The following LIN7A variants were observed in gnomAD, a reference collection of about 807,000 sequenced individuals.
LIN7A encodes protein lin-7 homolog A.
In LIN7A, 25 loss-of-function variants were observed where a neutral mutation model predicts 29.8. That is an observed-to-expected ratio of 0.84 (90% CI 0.61 to 1.17). The LOEUF (loss-of-function observed/expected upper bound fraction) is 1.17, where lower values mean the gene tolerates loss of function less well. Ranked by LOEUF, LIN7A falls within the 50% of genes most tolerant of loss-of-function variation. The pLI is 0.00. For synonymous variants in LIN7A, 118 were observed against 107.5 expected (o/e 1.10, Z -0.60); for missense variants, 239 against 287.0 (o/e 0.83, Z 1.21).
intron 1 of LIN7A, among the ~76,000 whole-genome samples, chr12:80,934,828 G>T (rs548976091): frequency 6.6e-6 from 1 of 152,150 alleles, no homozygotes; most frequent in African/African-American, 2.4e-5. Flanking sequence ...GATTTGCTGG[G>T]ATGCCCTTGG....
intron 4 of LIN7A, among the ~76,000 whole-genome samples, chr12:80,828,280 A>C (rs1275173444): frequency 2.0e-5 from 3 of 152,226 alleles, no homozygotes; most frequent in Non-Finnish European, 4.4e-5. Context: ...TCATTCAAGC[A>C]GTACTCAAAA....
At chr12:80,881,573 A>G (rs1335078845) in intron 2 of LIN7A, among the ~76,000 whole-genome samples, 1 of 152,122 alleles carries the variant, frequency 6.6e-6, no homozygotes, top group Non-Finnish European at 1.5e-5. Flanking sequence ...TTAAAAAAAT[A>G]TTTTACCATG....
At chr12:80,912,728 A>C (rs1329391673) in intron 1 of LIN7A, among the ~76,000 whole-genome samples, 8 of 143,752 alleles carry the variant, frequency 5.6e-5, no homozygotes, top group African/African-American at 2.1e-4. Context: ...AAAAAAAAAA[A>C]AGAAAAGAAA....
At chr12:80,808,507 CTTT>C (rs200750392) in intron 5 of LIN7A, among the ~76,000 whole-genome samples, 8 of 137,400 alleles carry the variant, frequency 5.8e-5, no homozygotes, top group African/African-American at 8.0e-5. Flanking sequence ...TTTCTTTTTT[CTTT>C]TTTTTTTTTT....
chr12:80,829,155 G>T (rs1007070772), intron 4 of LIN7A, among the ~76,000 whole-genome samples: 1 of 152,082 alleles, frequency 6.6e-6, no homozygotes, highest in Non-Finnish European at 1.5e-5. Context: ...AGTAGTTTGG[G>T]CAAAATAAGT....
intron 2 of LIN7A, among the ~76,000 whole-genome samples, chr12:80,859,990 A>G (rs2120395644): frequency 6.6e-6 from 1 of 152,326 alleles, no homozygotes; most frequent in South Asian, 2.1e-4. Flanking sequence ...TTCTACTTAA[A>G]GCTTCATATT....
chr12:80,815,373 G>A (rs748835647), intron 4 of LIN7A, among the ~76,000 whole-genome samples: 1 of 152,214 alleles, frequency 6.6e-6, no homozygotes, highest in Non-Finnish European at 1.5e-5. Context: ...GGGTATAAAT[G>A]TTGATGTGCA....
intron 1 of LIN7A, among the ~76,000 whole-genome samples, chr12:80,889,947 G>A (rs140699468): frequency 1.3e-5 from 2 of 151,962 alleles, no homozygotes; most frequent in Non-Finnish European, 2.9e-5. Flanking sequence ...TCAGGCCCTC[G>A]TCATCTCCCC....
chr12:80,852,071 A>T (rs1873361901), intron 2 of LIN7A, among the ~76,000 whole-genome samples: 1 of 152,174 alleles, frequency 6.6e-6, no homozygotes, highest in African/African-American at 2.4e-5. Context: ...TTATGAAAAT[A>T]AAAAATAATG....
intron 1 of LIN7A, among the ~76,000 whole-genome samples, chr12:80,926,500 A>G (rs993557632): frequency 5.9e-5 from 9 of 152,204 alleles, no homozygotes; most frequent in African/African-American, 9.7e-5. Flanking sequence ...ATTCACTAAT[A>G]TTATCTAACA....
At chr12:80,858,135 C>T (rs1040394595) in intron 2 of LIN7A, among the ~76,000 whole-genome samples, 5 of 152,096 alleles carry the variant, frequency 3.3e-5, no homozygotes, top group African/African-American at 4.8e-5. Flanking sequence ...ATTTATATCA[C>T]TTGTTTTAGG....
chr12:80,921,881 T>C (rs1877327568), intron 1 of LIN7A, among the ~76,000 whole-genome samples: 1 of 152,232 alleles, frequency 6.6e-6, no homozygotes, highest in Non-Finnish European at 1.5e-5. Context: ...GAGGCATGTA[T>C]CTGTCAAACT....
Position 80,806,199 on chromosome 12 carries a change from G to A in LIN7A, c.*5266C>T, listed in dbSNP as rs555134092. Among the ~76,000 whole-genome samples the A allele has an allele frequency of 1.3e-4, 19 of 151,946 alleles. 2 individuals carry two copies. In the South Asian group the frequency reaches 1.7e-3, roughly 13 times the overall value. ...TCCCGGTTTTGGGTACATTTTTATCGGCAGCGTGAAAATGAACTAATACAA... is the reference window on the plus strand; with the variant it reads ...TCCCGGTTTTGGGTACATTTTTATCAGCAGCGTGAAAATGAACTAATACAA... On this transcript the variant is annotated intron_variant, in intron 5 of 5. Coordinates refer to ENST00000552864, the MANE Select transcript of LIN7A (RefSeq NM_004664.4).
intron 1 of LIN7A, among the ~76,000 whole-genome samples, chr12:80,895,030 T>C (rs1256095736): frequency 6.6e-6 from 1 of 152,122 alleles, no homozygotes; most frequent in East Asian, 1.9e-4. Flanking sequence ...AGAAAAGGGA[T>C]TCAAAATAAA....
At position 80,848,316 on chromosome 12, in the gene LIN7A, G is replaced by A. The variant is rs545148132; in HGVS notation, c.208C>T (p.Gln70Ter). The A allele has an allele frequency of 6.2e-7, 1 of 1,606,144 alleles. No individual in the cohort carries two copies. The highest frequency in any genetic ancestry group is 1.1e-5 in the South Asian group (1 of 90,930). Residue 70 changes from glutamine (Q) to a stop codon, truncating the protein, a stop_gained, in exon 3 of 6, where the codon CAA (glutamine) becomes TAA (stop). Coordinates refer to ENST00000552864, the MANE Select transcript of LIN7A (RefSeq NM_004664.4). LOFTEE classifies it high-confidence loss of function. ...ACAGTTATCGTTTCATGCATATATT[G>A]ATACACCTAAAATGTTCACATAAAA... ...EFCTAIREVYQYMHETITVNG... is the reference protein window; with the variant it reads ...EFCTAIREVY
At chr12:80,839,418 T>C (rs1310712766) in intron 4 of LIN7A, among the ~76,000 whole-genome samples, 1 of 152,194 alleles carries the variant, frequency 6.6e-6, no homozygotes, top group East Asian at 1.9e-4. Flanking sequence ...GAATTCATTA[T>C]GTAGAGTGCT....
intron 4 of LIN7A, among the ~76,000 whole-genome samples, chr12:80,838,265 A>G (rs1872668933): frequency 6.6e-6 from 1 of 152,204 alleles, no homozygotes; most frequent in Non-Finnish European, 1.5e-5. Flanking sequence ...TTGATCTATG[A>G]AGGAATGAGA....
chr12:80,873,610 T>G (rs1228576857), intron 2 of LIN7A, among the ~76,000 whole-genome samples: 1 of 151,896 alleles, frequency 6.6e-6, no homozygotes, highest in Non-Finnish European at 1.5e-5. Flanking sequence ...GCATTTAACA[T>G]GAAAAATGTA....
At chr12:80,816,315 C>T (rs909254429) in intron 4 of LIN7A, among the ~76,000 whole-genome samples, 15 of 151,774 alleles carry the variant, frequency 9.9e-5, no homozygotes, top group African/African-American at 3.6e-4. Context: ...GGATGCTGAA[C>T]CAAGAGAATG....
Sources: allele counts gnomAD v4.1 joint callset (sites outside exome capture counted in the v4.1 genomes callset), GRCh38; gene constraint gnomAD v4.1.1; transcripts MANE v1.5; gene names NCBI Gene and HGNC (gene_info 2026-07-23, HGNC 2026-07-21).